The following CUEDC1 variants were observed in gnomAD, a reference collection of about 807,000 sequenced individuals.
The protein encoded by CUEDC1 is CUE domain-containing protein 1.
CUEDC1 carries 30 observed loss-of-function variants against 43.7 expected under a neutral mutation model. The observed-to-expected ratio is 0.69, with a 90% CI of 0.51 to 0.93. The LOEUF is 0.93. CUEDC1 is among the 40% of genes least tolerant of loss of function. The probability of loss-of-function intolerance (pLI) is 0.00; values close to 1 mark genes in which losing one functional copy is unlikely to be tolerated. For missense variants in CUEDC1, 486 were observed against 549.0 expected, an observed-to-expected ratio of 0.89 and a Z score of 1.15; for synonymous variants, 223 against 223.6, an observed-to-expected ratio of 1.00 and a Z score of 0.02.
chr17:57,920,050 A>G (rs900129988), intron 1 of CUEDC1, among the ~76,000 whole-genome samples: 1 of 152,216 alleles, frequency 6.6e-6, no homozygotes, highest in Admixed American at 6.5e-5. Flanking sequence ...TGCAGGAAAG[A>G]TGCCATTCTT....
At chr17:57,940,253 T>TAA (rs57921791) in intron 1 of CUEDC1, among the ~76,000 whole-genome samples, 5 of 139,154 alleles carry the variant, frequency 3.6e-5, no homozygotes, top group African/African-American at 7.8e-5. Flanking sequence ...TGTCAGTGTT[T>TAA]AAAAAAAAAA....
chr17:57,932,713 T>C (rs1297280123), intron 1 of CUEDC1, among the ~76,000 whole-genome samples: 2 of 149,092 alleles, frequency 1.3e-5, no homozygotes, highest in African/African-American at 2.5e-5. Flanking sequence ...AATACAAAAA[T>C]TAGCTGCGCG....
At chr17:57,937,625 G>A (rs1319850000) in intron 1 of CUEDC1, among the ~76,000 whole-genome samples, 8 of 148,228 alleles carry the variant, frequency 5.4e-5, no homozygotes, top group Non-Finnish European at 9.0e-5. Flanking sequence ...AAAAAAAACA[G>A]AAAAAGAAAA....
At chr17:57,899,065 G>C (rs536289726) in intron 1 of CUEDC1, among the ~76,000 whole-genome samples, 2 of 152,228 alleles carry the variant, frequency 1.3e-5, no homozygotes, top group East Asian at 3.9e-4. Context: ...CCAGGACAGA[G>C]GAACAGAGGC....
chr17:57,909,528 G>T (rs2143048216), intron 1 of CUEDC1, among the ~76,000 whole-genome samples: 1 of 152,304 alleles, frequency 6.6e-6, no homozygotes, highest in South Asian at 2.1e-4. Flanking sequence ...AAACAGAGCT[G>T]GGGTGAGCTC....
chr17:57,926,145 C>T lies in CUEDC1; in HGVS notation c.-316+29080G>A, dbSNP rs142342739. On this transcript the variant is annotated intron_variant, in intron 1 of 10. Transcript: ENST00000577830. ...TGGAAAAAGTGACGTATTCATCCCT[C>T]AAAGTTGCGAGAGGGGCAGAGTCAA... is the stretch of plus-strand genomic sequence containing the variant. 5.9e-3 allele frequency among the ~76,000 whole-genome samples: 899 copies of T among 152,298 alleles called. 8 individuals are homozygous for T. Among genetic ancestry groups the T allele is most frequent in the African/African-American group, 0.02 (843 of 41,562 alleles).
At chr17:57,915,974 A>G (rs2074635772) in intron 1 of CUEDC1, among the ~76,000 whole-genome samples, 1 of 152,214 alleles carries the variant, frequency 6.6e-6, no homozygotes, top group African/African-American at 2.4e-5. Context: ...CATATGACAA[A>G]AACTTTGCAG....
At position 57,942,526 on chromosome 17, in the gene CUEDC1, C is replaced by T. The variant is rs144788985; in HGVS notation, c.-316+12699G>A. On this transcript the variant is annotated intron_variant, in intron 1 of 10. Coordinates refer to ENST00000577830, the MANE Select transcript of CUEDC1 (RefSeq NM_001271875.2). Reference sequence around the variant, plus strand: ...GCCTCAGCCTCCCAAGTAGCTGACACTACAAGCATGCACCACCACACCCAG... The same window carrying T: ...GCCTCAGCCTCCCAAGTAGCTGACATTACAAGCATGCACCACCACACCCAG... Among the ~76,000 whole-genome samples the T allele has an allele frequency of 7.0e-4, 106 of 151,966 alleles. 1 individual carries two copies. The highest frequency in any genetic ancestry group is 6.5e-3 in the East Asian group (33 of 5,082).
At chr17:57,873,212 G>GC (rs2074060790) in intron 4 of CUEDC1, among the ~76,000 whole-genome samples, 2 of 152,326 alleles carry the variant, frequency 1.3e-5, no homozygotes, top group East Asian at 3.9e-4. Context: ...GGGTGGACCT[G>GC]CCCCGCTGTG....
chr17:57,880,738 A>G (rs2074192778), intron 2 of CUEDC1, among the ~76,000 whole-genome samples: 1 of 152,136 alleles, frequency 6.6e-6, no homozygotes, highest in Admixed American at 6.5e-5. Flanking sequence ...TCCCAAGTAG[A>G]TGGAATTACA....
rs577506402 is a variant in CUEDC1 at position 57,862,016 on chromosome 17, G to C, written c.*1273C>G. 3.3e-5 allele frequency: 5 copies of C among 152,334 alleles called. No individual in the cohort carries two copies. In the East Asian group the frequency reaches 7.7e-4, roughly 24 times the overall value. 9.4% of individuals were successfully genotyped at this position (152,334 alleles called of 1,614,324 possible). A position where few individuals can be genotyped will look rare whatever the true frequency, so the allele number is the denominator to read the frequency against. ...CGGGACGAGGTGCGATCGCCGGCTC[G>C]CCTTCGCTACGCCCTTGTGATCTTG... is the stretch of plus-strand genomic sequence containing the variant. On this transcript the variant is annotated 3_prime_UTR_variant, in exon 11 of 11. Transcript: ENST00000577830.
intron 1 of CUEDC1, among the ~76,000 whole-genome samples, chr17:57,896,035 A>G (rs1179778886): frequency 6.6e-6 from 1 of 152,216 alleles, no homozygotes; most frequent in African/African-American, 2.4e-5. Context: ...CCCACAATTT[A>G]GCATCCGAAC....
At position 57,862,216 on chromosome 17, in the gene CUEDC1, A is replaced by C. The variant is rs1410844386; in HGVS notation, c.*1073T>G. 1 of 152,430 alleles carries C rather than the reference A, an allele frequency of 6.6e-6. No homozygotes were observed. The highest frequency in any genetic ancestry group is 2.4e-5 in the African/African-American group (1 of 41,458). 9.4% of individuals were successfully genotyped at this position (152,430 alleles called of 1,614,324 possible). On this transcript the variant is annotated 3_prime_UTR_variant, in exon 11 of 11. Coordinates refer to ENST00000577830, the MANE Select transcript of CUEDC1 (RefSeq NM_001271875.2). ...AGCCTCCCTCCCCGTGGCAGTGGTC[A>C]GTGCCGTGTAAGCGTTCCTAGAATC...
intron 1 of CUEDC1, among the ~76,000 whole-genome samples, chr17:57,927,328 C>T (rs1028629320): frequency 6.6e-6 from 1 of 151,876 alleles, no homozygotes; most frequent in African/African-American, 2.4e-5. Context: ...AGAAGCCCTG[C>T]CATTGCCCTG....
At chr17:57,945,728 G>A (rs1598027600) in intron 1 of CUEDC1, among the ~76,000 whole-genome samples, 1 of 152,262 alleles carries the variant, frequency 6.6e-6, no homozygotes, top group Non-Finnish European at 1.5e-5. Flanking sequence ...CAATCATTAT[G>A]TAATATTTTG....
chr17:57,874,107 G>A (rs1358873875), intron 3 of CUEDC1, among the ~76,000 whole-genome samples: 2 of 152,218 alleles, frequency 1.3e-5, no homozygotes, highest in Non-Finnish European at 2.9e-5. Flanking sequence ...GGTGCTGAGT[G>A]ACAGGTATGG....
intron 1 of CUEDC1, among the ~76,000 whole-genome samples, chr17:57,953,332 C>G (rs977316750): frequency 1.3e-5 from 2 of 152,202 alleles, no homozygotes; most frequent in African/African-American, 2.4e-5. Context: ...GGAAAAGGGC[C>G]ACCTCATCTG....
intron 1 of CUEDC1, among the ~76,000 whole-genome samples, chr17:57,950,654 G>C (rs2074998362): frequency 6.6e-6 from 1 of 151,954 alleles, no homozygotes; most frequent in Middle Eastern, 3.2e-3. Flanking sequence ...TGTATTTTTA[G>C]TAGAGACAGG....
intron 1 of CUEDC1, among the ~76,000 whole-genome samples, chr17:57,887,959 G>A (rs1207419880): frequency 7.2e-6 from 1 of 139,480 alleles, no homozygotes; most frequent in Non-Finnish European, 1.5e-5. Context: ...GGAGTGCAGT[G>A]GCGTGATCTT....
Sources: allele counts gnomAD v4.1 joint callset (sites outside exome capture counted in the v4.1 genomes callset), GRCh38; gene constraint gnomAD v4.1.1; transcripts MANE v1.5; gene names NCBI Gene and HGNC (gene_info 2026-07-23, HGNC 2026-07-21).